TNC: variants seen among roughly 807,000 people sequenced by gnomAD.
The protein encoded by TNC is tenascin.
A neutral mutation model predicts 202.4 loss-of-function variants in TNC; 109 were observed. That is an observed-to-expected ratio of 0.54 (90% confidence interval 0.46 to 0.63). The LOEUF is 0.63. TNC is among the 30% of genes least tolerant of loss of function. TNC has a pLI of 0.00. For missense variants in TNC, 2,756 were observed against 2,833.3 expected (o/e 0.97, Z 0.62); for synonymous variants, 1,007 against 1,089.7 (o/e 0.92, Z 1.50).
At position 115,040,321 on chromosome 9, in the gene TNC, T is replaced by C. The variant is rs560996122; in HGVS notation, c.5392+620A>G. Among the ~76,000 whole-genome samples, 28 of 152,278 alleles carry C rather than the reference T, an allele frequency of 1.8e-4. No homozygotes were observed. The South Asian group carries it at 5.8e-3, about 32-fold the overall frequency. On this transcript the variant is annotated intron_variant, in intron 19 of 27. Transcript: ENST00000350763. Reference sequence around the variant, plus strand: ...GATGATAATAGCTGTGGGGATTAAATGTGAAGGGTTTAGTAACAGTGCCTG... The same window carrying C: ...GATGATAATAGCTGTGGGGATTAAACGTGAAGGGTTTAGTAACAGTGCCTG...
intron 15 of TNC, among the ~76,000 whole-genome samples, chr9:115,050,937 C>T (rs1831600993): frequency 6.6e-6 from 1 of 152,188 alleles, no homozygotes; most frequent in Non-Finnish European, 1.5e-5. Flanking sequence ...CCTCACTCTT[C>T]CAGGACACCA....
In TNC at chr9:115,086,509, A is replaced by G. The variant is rs1661536437; in HGVS notation, c.1222T>C (p.Cys408Arg). The change falls in exon 3 of 28, where the codon TGT becomes CGT. Residue 408 changes from cysteine (C) to arginine (R), a missense_variant. By Grantham distance (180) the Cys-to-Arg change is radical. Around this residue, in one of 2 missense-constraint regions of TNC, gnomAD observed 2,559 missense variants for 2,546.0 expected, o/e 1.01. Transcript: ENST00000350763. Reference sequence around the variant, plus strand: ...CCATGGCCACTGCAGCCATTGGGACACTTGAGCTCCCCACAGTCAGCTCCA... The same window carrying G: ...CCATGGCCACTGCAGCCATTGGGACGCTTGAGCTCCCCACAGTCAGCTCCA... ...FTGADCGELK[C>R]PNGCSGHGRC... is the part of the protein sequence containing the mutation. 6.2e-7 allele frequency: 1 copy of G among 1,613,834 alleles called. No individual in the cohort carries two copies. The highest frequency in any genetic ancestry group is 1.1e-5 in the South Asian group (1 of 91,082).
intron 10 of TNC, among the ~76,000 whole-genome samples, 159 bp downstream of exon 10, chr9:115,073,444 G>A (rs748035032): frequency 6.6e-6 from 1 of 152,194 alleles, no homozygotes; most frequent in Non-Finnish European, 1.5e-5. Flanking sequence ...TAGAAAAGAC[G>A]AGTAAGCAGC....
intron 25 of TNC, among the ~76,000 whole-genome samples, chr9:115,027,338 C>T (rs1345149918): frequency 6.6e-6 from 1 of 151,856 alleles, no homozygotes; most frequent in African/African-American, 2.4e-5. Context: ...GCCCATAATC[C>T]CCACACTTTG....
chr9:115,080,854 G>C (rs949882676), intron 6 of TNC, among the ~76,000 whole-genome samples: 1 of 150,686 alleles, frequency 6.6e-6, no homozygotes, highest in African/African-American at 2.5e-5. Context: ...AGAGATTGCA[G>C]TGAACTGAGA....
intron 19 of TNC, among the ~76,000 whole-genome samples, chr9:115,039,278 C>A (rs1274750805): frequency 6.6e-6 from 1 of 152,178 alleles, no homozygotes; most frequent in Non-Finnish European, 1.5e-5. Context: ...TTTCCCTTCT[C>A]CAAACTTCAC....
Position 115,090,543 on chromosome 9 carries a change from G to A in TNC, c.457+19C>T, listed in dbSNP as rs757639393. The A allele has an allele frequency of 6.5e-7, 1 of 1,545,212 alleles. No individual in the cohort carries two copies. The highest frequency in any genetic ancestry group is 8.7e-7 in the Non-Finnish European group (1 of 1,142,922). On this transcript the variant is annotated intron_variant, in intron 2 of 27. Coordinates refer to ENST00000350763, the MANE Select transcript of TNC (RefSeq NM_002160.4). ...CCATGTTTGCACAGTGTGGGACTGG[G>A]CGGGCCACCAGCTCATACCTGTGGC...
At chr9:115,057,919 T>C (rs2132464393) in intron 14 of TNC, among the ~76,000 whole-genome samples, 1 of 152,382 alleles carries the variant, frequency 6.6e-6, no homozygotes, top group East Asian at 1.9e-4. Flanking sequence ...TCTGATGCCA[T>C]TACCTTCCCA....
rs202232696 is a variant in TNC, at chr9:115,090,993, G to T, written c.26C>A (p.Ala9Glu). Residue 9 changes from alanine (A) to glutamate (E), a missense_variant, in exon 2 of 28, where the codon GCA becomes GAA. Physicochemically the swap from Ala to Glu is moderately radical, Grantham distance 107. Around this residue, in one of 2 missense-constraint regions of TNC, gnomAD observed 2,559 missense variants for 2,546.0 expected, o/e 1.01. Transcript: ENST00000350763. MGAMTQLLAGVFLAFLALA... is the reference protein window; with the variant it reads MGAMTQLLEGVFLAFLALA... ...GGCAAGGAAAGCAAGAAAGACACCT[G>T]CCAACAGCTGAGTCATGGCCCCCAT... is the stretch of plus-strand genomic sequence containing the variant. The T allele has an allele frequency of 4.8e-5, 77 of 1,612,274 alleles. No individual in the cohort carries two copies. Among genetic ancestry groups the T allele is most frequent in the South Asian group, 8.8e-5 (8 of 91,092 alleles).
intron 20 of TNC, among the ~76,000 whole-genome samples, chr9:115,036,496 G>A (rs1424406710): frequency 6.6e-6 from 1 of 152,164 alleles, no homozygotes; most frequent in Non-Finnish European, 1.5e-5. Context: ...TGGGGGTCAG[G>A]AGATTTTTTT....
intron 1 of TNC, among the ~76,000 whole-genome samples, chr9:115,117,244 G>A (rs1054277014): frequency 6.6e-6 from 1 of 152,158 alleles, no homozygotes; most frequent in African/African-American, 2.4e-5. Flanking sequence ...AAGTACACCA[G>A]GGGCAGCAGG....
chr9:115,036,302 TTGG>T, intron 20 of TNC, 61 bp from the exon 21 acceptor site: 1 of 1,585,800 alleles, frequency 6.3e-7, no homozygotes, highest in Non-Finnish European at 8.6e-7. Context: ...ATGAGTGGGC[TTGG>T]CAAACCACAT....
At position 115,048,124 on chromosome 9, in the gene TNC, A is replaced by G. The variant is rs1031384922; in HGVS notation, c.4852+136T>C. On this transcript the variant is annotated intron_variant, in intron 16 of 27. Coordinates refer to ENST00000350763, the MANE Select transcript of TNC (RefSeq NM_002160.4). ...TATGACAAGAGGGAGTGTGGGGAGAAGGTGAAACAGTAGACTACATTTATG... is the reference window on the plus strand; with the variant it reads ...TATGACAAGAGGGAGTGTGGGGAGAGGGTGAAACAGTAGACTACATTTATG... 4.6e-6 allele frequency: 5 copies of G among 1,079,172 alleles called. No homozygotes were observed. In the African/African-American group the frequency reaches 7.9e-5, roughly 17 times the overall value. 66.8% of individuals were successfully genotyped at this position (1,079,172 alleles called of 1,614,324 possible).
chr9:115,106,912 A>G (rs1218305460), intron 1 of TNC, among the ~76,000 whole-genome samples: 3 of 152,182 alleles, frequency 2.0e-5, no homozygotes, highest in South Asian at 2.1e-4. Flanking sequence ...TTAATTCAGC[A>G]TATGGCAGGA....
At chr9:115,052,269 C>T (rs1275711524) in intron 15 of TNC, among the ~76,000 whole-genome samples, 2 of 151,690 alleles carry the variant, frequency 1.3e-5, no homozygotes, top group Non-Finnish European at 2.9e-5. Context: ...CACATAGAAG[C>T]ACAGAGAAGA....
intron 27 of TNC, among the ~76,000 whole-genome samples, chr9:115,022,484 G>A (rs1408210079): frequency 1.3e-5 from 2 of 152,226 alleles, no homozygotes; most frequent in East Asian, 1.9e-4. Flanking sequence ...CTCCCCTCCT[G>A]TGGCTCCTTT....
intron 1 of TNC, among the ~76,000 whole-genome samples, chr9:115,103,142 C>T (rs1267223252): frequency 6.6e-6 from 1 of 152,210 alleles, no homozygotes; most frequent in Admixed American, 6.5e-5. Context: ...AAAGACAGAC[C>T]TAGCTCCTTC....
At chr9:115,041,303 G>T (rs1372678813) in intron 18 of TNC, among the ~76,000 whole-genome samples, 9 of 92,906 alleles carry the variant, frequency 9.7e-5, no homozygotes, top group African/African-American at 3.1e-4. Flanking sequence ...ACAAAGCCAG[G>T]AGGGGCGGGG....
At chr9:115,084,700 G>A (rs1368312751) in intron 3 of TNC, among the ~76,000 whole-genome samples, 1 of 152,114 alleles carries the variant, frequency 6.6e-6, no homozygotes. Flanking sequence ...TCAGCAGTGT[G>A]CCCTTGGGTG....
Sources: allele counts gnomAD v4.1 joint callset (sites outside exome capture counted in the v4.1 genomes callset), GRCh38; gene constraint gnomAD v4.1.1; regional missense constraint gnomAD v4.1.1; transcripts MANE v1.5; gene names NCBI Gene and HGNC (gene_info 2026-07-23, HGNC 2026-07-21).